Variants in ALK observed in about 807,000 individuals in gnomAD.
ALK encodes ALK tyrosine kinase receptor.
In ALK, 74 loss-of-function variants were observed where a neutral mutation model predicts 163.1. The ratio of observed to expected loss-of-function variants is 0.45; its 90% CI spans 0.38 to 0.55. The LOEUF (loss-of-function observed/expected upper bound fraction) is 0.55. Ranked by LOEUF, ALK falls within the 20% of genes least tolerant of loss-of-function variation. The probability of loss-of-function intolerance (pLI) is 0.00; values close to 1 mark genes in which losing one functional copy is unlikely to be tolerated. For synonymous variants in ALK, 960 were observed against 843.2 expected, an observed-to-expected ratio of 1.14 and a Z score of -2.40; for missense variants, 2,063 against 2,105.3, an observed-to-expected ratio of 0.98 and a Z score of 0.39.
At chr2:29,893,936 GA>G (rs1472596436) in intron 1 of ALK, among the ~76,000 whole-genome samples, 1 of 152,092 alleles carries the variant, frequency 6.6e-6, no homozygotes, top group Non-Finnish European at 1.5e-5. Context: ...GGACTGATAT[GA>G]GGACAAAATT....
intron 1 of ALK, among the ~76,000 whole-genome samples, chr2:29,742,147 A>G: frequency 6.6e-6 from 1 of 152,266 alleles, no homozygotes; most frequent in East Asian, 1.9e-4. Flanking sequence ...CTGCGAGTGA[A>G]CAGGGCAGGG....
In ALK at chr2:29,673,083, T is replaced by C. The variant is rs1677755763; in HGVS notation, c.952+21767A>G. 2.1e-5 allele frequency among the ~76,000 whole-genome samples: 3 copies of C among 139,746 alleles called. 1 individual carries two copies. The highest frequency in any genetic ancestry group is 9.0e-5 in the African/African-American group (3 of 33,446). 91.7% of individuals were successfully genotyped at this position (139,746 alleles called of 152,430 possible). On this transcript the variant is annotated intron_variant, in intron 3 of 28. Transcript: ENST00000389048. ...TTGTAGATTCTGGATATTAGCCCTT[T>C]GTCAGATGAGTAGGTTGCAAAAATT...
intron 1 of ALK, among the ~76,000 whole-genome samples, chr2:29,811,828 G>A (rs1403147195): frequency 1.3e-5 from 2 of 152,266 alleles, no homozygotes; most frequent in East Asian, 3.9e-4. Context: ...GATGTCCAGA[G>A]TAATGCATTG....
intron 1 of ALK, among the ~76,000 whole-genome samples, chr2:29,790,030 T>A (rs542134614): frequency 1.4e-4 from 22 of 152,302 alleles, no homozygotes; most frequent in African/African-American, 5.1e-4. Flanking sequence ...TCTCTTTGCA[T>A]AATTCAATTC....
At chr2:29,675,776 G>A (rs1249982609) in intron 3 of ALK, among the ~76,000 whole-genome samples, 1 of 151,904 alleles carries the variant, frequency 6.6e-6, no homozygotes, top group Non-Finnish European at 1.5e-5. Flanking sequence ...ATTATTTCCT[G>A]TGTAGCAAAC....
chr2:29,834,349 C>T (rs1665501874), intron 1 of ALK, among the ~76,000 whole-genome samples: 1 of 152,116 alleles, frequency 6.6e-6, no homozygotes, highest in African/African-American at 2.4e-5. Context: ...GACACAATGC[C>T]AAGTAGCAGT....
chr2:29,214,099 C>T lies in ALK; in HGVS notation c.3646-18G>A, dbSNP rs754062671. The stretch of plus-strand genomic sequence containing the variant: ...GGCTGGCTCTGTGGGGAGACAGAAG[C>T]GGGCCACTGACGAGGAGCTTGTCAG... On this transcript the variant is annotated intron_variant, in intron 23 of 28. Coordinates refer to ENST00000389048, the MANE Select transcript of ALK (RefSeq NM_004304.5). The T allele has an allele frequency of 3.6e-5, 58 of 1,608,504 alleles. No homozygotes were observed. Among genetic ancestry groups the T allele is most frequent in the East Asian group, 1.1e-4 (5 of 44,828 alleles).
chr2:29,893,589 T>G (rs1390381894), intron 1 of ALK, among the ~76,000 whole-genome samples: 1 of 152,162 alleles, frequency 6.6e-6, no homozygotes, highest in Non-Finnish European at 1.5e-5. Flanking sequence ...GGATTCTTTC[T>G]CAGCTTGGCA....
intron 25 of ALK, among the ~76,000 whole-genome samples, chr2:29,209,283 G>C (rs368962844): frequency 1.3e-5 from 2 of 152,240 alleles, no homozygotes; most frequent in South Asian, 2.1e-4. Context: ...GCTCACACCT[G>C]TAATCCCAGC....
intron 3 of ALK, among the ~76,000 whole-genome samples, chr2:29,673,877 T>C (rs1165777306): frequency 1.8e-3 from 243 of 137,528 alleles, no homozygotes; most frequent in Middle Eastern, 3.4e-3. Context: ...GTAGTTCTCC[T>C]TGAAGAGTTC....
chr2:29,913,292 A>G (rs1667753990), intron 1 of ALK, among the ~76,000 whole-genome samples: 1 of 152,338 alleles, frequency 6.6e-6, no homozygotes, highest in African/African-American at 2.4e-5. Flanking sequence ...CAGCTGAAAA[A>G]TTCATCACAA....
chr2:29,541,227 T>A (rs1421605195), intron 3 of ALK, among the ~76,000 whole-genome samples: 4 of 152,178 alleles, frequency 2.6e-5, no homozygotes, highest in Non-Finnish European at 4.4e-5. Context: ...ATATCCCAAT[T>A]TGTTTTCCAC....
intron 3 of ALK, among the ~76,000 whole-genome samples, chr2:29,613,352 G>T (rs192544109): frequency 6.6e-6 from 1 of 152,092 alleles, no homozygotes; most frequent in African/African-American, 2.4e-5. Flanking sequence ...TAATTGTCCA[G>T]GTTTATTTGA....
intron 3 of ALK, among the ~76,000 whole-genome samples, chr2:29,580,576 T>C (rs559101918): frequency 2.6e-5 from 4 of 152,308 alleles, no homozygotes; most frequent in Admixed American, 6.5e-5. Context: ...TTACAGTCCA[T>C]GCAGAAAACC....
At chr2:29,520,114 G>A (rs112483271) in intron 4 of ALK, among the ~76,000 whole-genome samples, 1 of 152,262 alleles carries the variant, frequency 6.6e-6, no homozygotes, top group African/African-American at 2.4e-5. Flanking sequence ...GGCACACACG[G>A]ACAGGGCAAT....
At chr2:29,826,005 ACT>A (rs1665186429) in intron 1 of ALK, among the ~76,000 whole-genome samples, 2 of 151,706 alleles carry the variant, frequency 1.3e-5, no homozygotes, top group African/African-American at 4.8e-5. Context: ...TGGTCTTGTG[ACT>A]CTCTGAATGC....
chr2:29,830,738 A>C (rs1205826005), intron 1 of ALK, among the ~76,000 whole-genome samples: 1,410 of 126,738 alleles, frequency 0.011, 77 homozygotes, highest in African/African-American at 0.042. Context: ...AAAAAAAAAA[A>C]AAAAAAAAAA....
intron 1 of ALK, among the ~76,000 whole-genome samples, chr2:29,834,018 T>G (rs543009128): frequency 2.4e-4 from 37 of 152,248 alleles, no homozygotes; most frequent in African/African-American, 8.7e-4. Flanking sequence ...ATAGGACACA[T>G]GGTTGGGCAG....
At chr2:29,573,269 A>G (rs1483584984) in intron 3 of ALK, among the ~76,000 whole-genome samples, 2 of 152,142 alleles carry the variant, frequency 1.3e-5, no homozygotes, top group Non-Finnish European at 2.9e-5. Flanking sequence ...TTCATGATAT[A>G]GTTATGCGTT....
Sources: allele counts gnomAD v4.1 joint callset (sites outside exome capture counted in the v4.1 genomes callset), GRCh38; gene constraint gnomAD v4.1.1; transcripts MANE v1.5; gene names NCBI Gene and HGNC (gene_info 2026-07-23, HGNC 2026-07-21).